Variants in CCPG1 observed in about 807,000 individuals in gnomAD.
The protein encoded by CCPG1 is cell cycle progression 1.
In CCPG1, 46 loss-of-function variants were observed where a neutral mutation model predicts 81.3. The ratio of observed to expected loss-of-function variants is 0.57; its 90% CI spans 0.45 to 0.72. CCPG1 has a LOEUF of 0.72. CCPG1 is among the 30% of genes least tolerant of loss of function. CCPG1 has a pLI of 0.00. For synonymous variants in CCPG1, 330 were observed against 305.2 expected, an observed-to-expected ratio of 1.08 and a Z score of -0.85; for missense variants, 902 against 937.6, an observed-to-expected ratio of 0.96 and a Z score of 0.50.
rs909038686 is a variant in CCPG1, at chr15:55,359,694, A to G, written c.2079T>C (p.Asp693=). 1.2e-6 allele frequency: 2 copies of G among 1,613,630 alleles called. No homozygotes were observed. Among genetic ancestry groups the G allele is most frequent in the Admixed American group, 1.7e-5 (1 of 60,010 alleles). ...TAACAAAGTCAGTGAAGAGCTTCTG[A>G]TCATGTATAAAGACACCGTTTAGGA... The part of the protein sequence containing the change: ...KFFLNGVFIH[D]QKLFTDFVND... The change falls in exon 8 of 9, where the codon GAT becomes GAC. Residue 693 remains aspartate, a synonymous_variant. Coordinates refer to ENST00000442196, the MANE Select transcript of CCPG1 (RefSeq NM_001204450.2).
chr15:55,387,695 C>T (rs1226646447), intron 2 of CCPG1, among the ~76,000 whole-genome samples: 2 of 151,762 alleles, frequency 1.3e-5, no homozygotes, highest in East Asian at 4.0e-4. Context: ...CAGGCATGTG[C>T]GACCACGCCT....
rs200543168 is a variant in CCPG1 at position 55,371,820 on chromosome 15, T to C, written c.679A>G (p.Ile227Val). The C allele has an allele frequency of 1.4e-5, 23 of 1,614,040 alleles. No homozygotes were observed. The highest frequency in any genetic ancestry group is 6.7e-5 in the African/African-American group (5 of 75,058). The stretch of plus-strand genomic sequence containing the variant: ...TAGAAATGGCCAAATCCCATGCTGA[T>C]TGCAATCACCAAAGCAAGTATAACA... ...KCVILALVIA[I>V]SMGFGHFYGT... Residue 227 changes from isoleucine (I) to valine (V), a missense_variant, in exon 6 of 9, where the codon ATC (isoleucine) becomes GTC (valine). By Grantham distance (29) the Ile-to-Val change is conservative. Coordinates refer to ENST00000442196, the MANE Select transcript of CCPG1 (RefSeq NM_001204450.2).
rs1212558990 is a variant in CCPG1, at chr15:55,359,843, A to C, written c.1930T>G (p.Phe644Val). 6.2e-7 allele frequency: 1 copy of C among 1,613,642 alleles called. No individual in the cohort carries two copies. The highest frequency in any genetic ancestry group is 2.2e-5 in the East Asian group (1 of 44,862). ...CTTATAGGATTCACCACTGTGTTAAAAAGGCTCATGGACTCTTGTTGAGCA... is the reference window on the plus strand; with the variant it reads ...CTTATAGGATTCACCACTGTGTTAACAAGGCTCATGGACTCTTGTTGAGCA... Reference protein sequence around the residue: ...DCAQQESMSLFNTVVNPIRMD... With the variant: ...DCAQQESMSLVNTVVNPIRMD... The change falls in exon 8 of 9, where the codon TTT becomes GTT. Residue 644 changes from phenylalanine (F) to valine (V), a missense_variant. Physicochemically the swap from Phe to Val is conservative, Grantham distance 50 (BLOSUM62 -1). This residue lies in a region of CCPG1 where 746 missense variants were observed against 728.6 expected (regional missense o/e 1.02). Coordinates refer to ENST00000442196, the MANE Select transcript of CCPG1 (RefSeq NM_001204450.2).
intron 6 of CCPG1, among the ~76,000 whole-genome samples, chr15:55,370,685 G>A (rs2056428257): frequency 6.6e-6 from 1 of 152,052 alleles, no homozygotes; most frequent in Non-Finnish European, 1.5e-5. Flanking sequence ...GACCAGCCTG[G>A]CCAAGATGGT....
At chr15:55,386,896 C>CA (rs34103245) in intron 2 of CCPG1, among the ~76,000 whole-genome samples, 66,554 of 143,252 alleles carry the variant, frequency 0.46, 16,090 homozygotes, top group East Asian at 0.74. Context: ...GACTCCATCT[C>CA]AAAAAAAAAA....
At chr15:55,405,650 G>A (rs963614384) in intron 1 of CCPG1, among the ~76,000 whole-genome samples, 18 of 152,278 alleles carry the variant, frequency 1.2e-4, no homozygotes, top group Non-Finnish European at 2.1e-4. Flanking sequence ...GCAGTAAGTC[G>A]TGTCCAGGCC....
chr15:55,363,422 C>T (rs999689737), intron 7 of CCPG1, among the ~76,000 whole-genome samples: 5 of 150,398 alleles, frequency 3.3e-5, no homozygotes, highest in Admixed American at 1.3e-4. Flanking sequence ...GAGGTTAATG[C>T]GTGGTGAGTT....
chr15:55,373,217 T>A (rs57576913), intron 5 of CCPG1, among the ~76,000 whole-genome samples: 2 of 152,330 alleles, frequency 1.3e-5, no homozygotes, highest in South Asian at 2.1e-4. Flanking sequence ...GTCAACAAAC[T>A]ATTATGTTGA....
At chr15:55,374,942 G>C (rs1349935408) in intron 5 of CCPG1, among the ~76,000 whole-genome samples, 1 of 152,222 alleles carries the variant, frequency 6.6e-6, no homozygotes, top group African/African-American at 2.4e-5. Context: ...AGGGATTACA[G>C]GCATGAGCCA....
intron 1 of CCPG1, among the ~76,000 whole-genome samples, chr15:55,404,342 C>CA (rs1426607427): frequency 4.7e-5 from 7 of 150,484 alleles, no homozygotes; most frequent in African/African-American, 9.8e-5. Flanking sequence ...TGATAGTAGC[C>CA]AAAAAAAAGA....
At chr15:55,393,871 C>T (rs1595861522) in intron 1 of CCPG1, among the ~76,000 whole-genome samples, 1 of 152,168 alleles carries the variant, frequency 6.6e-6, no homozygotes, top group Non-Finnish European at 1.5e-5. Flanking sequence ...CAATGGAAGC[C>T]TCTAGAGGGT....
chr15:55,365,422 TTTTTTTTTTG>T, intron 6 of CCPG1, 113 bp from the exon 7 acceptor site: 8 of 578,936 alleles, frequency 1.4e-5, no homozygotes, highest in Non-Finnish European at 2.3e-5. Flanking sequence ...TTTTTTTGTT[TTTTTTTTTTG>T]TTTTTTTTTT....
intron 1 of CCPG1, among the ~76,000 whole-genome samples, chr15:55,392,003 A>C (rs986164034): frequency 6.6e-6 from 1 of 150,396 alleles, no homozygotes; most frequent in Non-Finnish European, 1.5e-5. Context: ...CATTGCAAAA[A>C]ACAAACAAAA....
At chr15:55,375,232 G>A (rs62018136) in intron 5 of CCPG1, among the ~76,000 whole-genome samples, 1 of 152,066 alleles carries the variant, frequency 6.6e-6, no homozygotes, top group African/African-American at 2.4e-5. Flanking sequence ...TTTTGAGATG[G>A]TGCTGGGATT....
intron 5 of CCPG1, among the ~76,000 whole-genome samples, chr15:55,373,417 A>T (rs1267270017): frequency 6.6e-6 from 1 of 152,226 alleles, no homozygotes; most frequent in Non-Finnish European, 1.5e-5. Context: ...GATTTAGGTT[A>T]GGCAATATTT....
intron 1 of CCPG1, among the ~76,000 whole-genome samples, chr15:55,407,037 A>ACCCACC (rs1308149562): frequency 0.021 from 2,413 of 112,258 alleles, 107 homozygotes; most frequent in South Asian, 0.036. Flanking sequence ...ACACGTTGAG[A>ACCCACC]CCCCCCCCCC....
At chr15:55,402,728 T>G (rs1055600710) in intron 1 of CCPG1, among the ~76,000 whole-genome samples, 2 of 152,188 alleles carry the variant, frequency 1.3e-5, no homozygotes, top group African/African-American at 4.8e-5. Context: ...GGACCTGAGA[T>G]TTCACATTCA....
At chr15:55,400,737 C>G (rs926929451) in intron 1 of CCPG1, among the ~76,000 whole-genome samples, 1 of 152,184 alleles carries the variant, frequency 6.6e-6, no homozygotes, top group African/African-American at 2.4e-5. Flanking sequence ...TAATAAATTC[C>G]TTAATCTGCA....
chr15:55,388,188 G>C (rs923368033), intron 2 of CCPG1, among the ~76,000 whole-genome samples: 8 of 151,906 alleles, frequency 5.3e-5, no homozygotes, highest in African/African-American at 1.9e-4. Context: ...AAGAAAACAA[G>C]TGAGGCTTAC....
Sources: allele counts gnomAD v4.1 joint callset (sites outside exome capture counted in the v4.1 genomes callset), GRCh38; gene constraint gnomAD v4.1.1; regional missense constraint gnomAD v4.1.1; transcripts MANE v1.5; gene names NCBI Gene and HGNC (gene_info 2026-07-23, HGNC 2026-07-21).